PICALM: variants seen among roughly 807,000 people sequenced by gnomAD.
The protein encoded by PICALM is phosphatidylinositol binding clathrin assembly protein, also known as phosphatidylinositol-binding clathrin assembly protein.
A neutral mutation model predicts 80.5 loss-of-function variants in PICALM; 40 were observed. The observed-to-expected ratio is 0.50, with a 90% CI of 0.39 to 0.65. PICALM has a LOEUF of 0.65. Ranked by LOEUF, PICALM falls within the 30% of genes least tolerant of loss-of-function variation. The pLI is 0.00. For missense variants in PICALM, 676 were observed against 778.9 expected, an observed-to-expected ratio of 0.87 and a Z score of 1.57; for synonymous variants, 288 against 260.3, an observed-to-expected ratio of 1.11 and a Z score of -1.02.
intron 11 of PICALM, among the ~76,000 whole-genome samples, chr11:85,998,501 G>T (rs2095047326): frequency 6.6e-6 from 1 of 151,900 alleles, no homozygotes; most frequent in Non-Finnish European, 1.5e-5. Context: ...TTTAAGAGAA[G>T]GGGTCTGGAG....
At chr11:86,028,774 T>G (rs1185061652) in intron 2 of PICALM, among the ~76,000 whole-genome samples, 1 of 152,176 alleles carries the variant, frequency 6.6e-6, no homozygotes, top group Non-Finnish European at 1.5e-5. Context: ...CTGAGTACTC[T>G]GACACTGAAT....
At chr11:85,966,641 T>C (rs2093909993) in intron 19 of PICALM, among the ~76,000 whole-genome samples, 1 of 152,180 alleles carries the variant, frequency 6.6e-6, no homozygotes, top group African/African-American at 2.4e-5. Context: ...TGTGTTGAAG[T>C]CCTAACCCCT....
intron 8 of PICALM, among the ~76,000 whole-genome samples, chr11:86,003,984 C>T (rs951465149): frequency 1.3e-5 from 2 of 152,188 alleles, no homozygotes; most frequent in Admixed American, 6.5e-5. Flanking sequence ...AACTGGAACT[C>T]TCATATATCA....
chr11:85,992,977 T>G (rs1284758478), intron 12 of PICALM, among the ~76,000 whole-genome samples: 1 of 152,206 alleles, frequency 6.6e-6, no homozygotes, highest in Non-Finnish European at 1.5e-5. Flanking sequence ...TGTTAATCTA[T>G]TAATGGACAT....
chr11:86,056,603 A>C (rs1410473493), intron 1 of PICALM, among the ~76,000 whole-genome samples: 1 of 152,168 alleles, frequency 6.6e-6, no homozygotes, highest in Non-Finnish European at 1.5e-5. Flanking sequence ...ACTGATGTGG[A>C]AAACAGTTTG....
chr11:86,058,248 C>G (rs1350911836), intron 1 of PICALM, among the ~76,000 whole-genome samples: 1 of 152,006 alleles, frequency 6.6e-6, no homozygotes, highest in Non-Finnish European at 1.5e-5. Context: ...ACACACACAC[C>G]CCCACAAAGA....
chr11:85,976,594 C>T, intron 18 of PICALM, 29 bp downstream of exon 18: 2 of 1,397,080 alleles, frequency 1.4e-6, no homozygotes, highest in Non-Finnish European at 1.0e-6. Context: ...AATATTTTTT[C>T]CAAAAGCTGT....
At chr11:85,963,550 G>A (rs1177224913) in intron 19 of PICALM, among the ~76,000 whole-genome samples, 1 of 152,172 alleles carries the variant, frequency 6.6e-6, no homozygotes, top group Non-Finnish European at 1.5e-5. Flanking sequence ...TACAGACATA[G>A]TCTTTTCTCA....
Position 86,068,941 on chromosome 11 carries a change from T to C in PICALM, c.-161A>G. 1 of 908,656 alleles carries C rather than the reference T, an allele frequency of 1.1e-6. No individual in the cohort carries two copies. The highest frequency in any genetic ancestry group is 1.8e-5 in the South Asian group (1 of 55,746). 56.3% of individuals were successfully genotyped at this position (908,656 alleles called of 1,614,324 possible). A position where few individuals can be genotyped will look rare whatever the true frequency, so the allele number is the denominator to read the frequency against. On this transcript the variant is annotated 5_prime_UTR_variant, in exon 1 of 20. Transcript: ENST00000393346. ...GTTCGGGGCCGCGCGCTGCCACCAGTCCAGAGAGAACCGGCTCGTGTCACC... is the reference window on the plus strand; with the variant it reads ...GTTCGGGGCCGCGCGCTGCCACCAGCCCAGAGAGAACCGGCTCGTGTCACC...
intron 7 of PICALM, among the ~76,000 whole-genome samples, chr11:86,009,973 C>A (rs1565397149): frequency 2.0e-5 from 3 of 152,284 alleles, no homozygotes; most frequent in South Asian, 4.1e-4. Context: ...CCTGTTCTGT[C>A]CTATTGCATC....
intron 1 of PICALM, among the ~76,000 whole-genome samples, chr11:86,040,035 A>T (rs1416406175): frequency 1.3e-5 from 2 of 151,578 alleles, no homozygotes; most frequent in Non-Finnish European, 2.9e-5. Flanking sequence ...AAAGGCAACA[A>T]AATAAAGTTA....
chr11:86,047,004 G>C (rs1312146691), intron 1 of PICALM, among the ~76,000 whole-genome samples: 1 of 152,182 alleles, frequency 6.6e-6, no homozygotes. Flanking sequence ...ACAGCCTTGT[G>C]CCAAGGCAAG....
At chr11:86,065,502 G>A (rs867611) in intron 1 of PICALM, among the ~76,000 whole-genome samples, 110,355 of 152,020 alleles carry the variant, frequency 0.73, 40,763 homozygotes, top group African/African-American at 0.88. Flanking sequence ...TAAGCATTCT[G>A]TACTGCTAAA....
intron 1 of PICALM, among the ~76,000 whole-genome samples, chr11:86,040,395 T>TCC (rs761482916): frequency 7.9e-5 from 12 of 152,092 alleles, no homozygotes; most frequent in Non-Finnish European, 1.5e-4. Context: ...AGACGAGGTC[T>TCC]CCCCCTCTGT....
At chr11:86,039,348 G>A (rs1565512332) in intron 1 of PICALM, among the ~76,000 whole-genome samples, 1 of 152,020 alleles carries the variant, frequency 6.6e-6, no homozygotes, top group Non-Finnish European at 1.5e-5. Flanking sequence ...CTATAATCAT[G>A]CCTGTGAACA....
chr11:86,050,323 T>A (rs1215585850), intron 1 of PICALM, among the ~76,000 whole-genome samples: 1 of 150,446 alleles, frequency 6.6e-6, no homozygotes, highest in African/African-American at 2.5e-5. Context: ...AACTCAAAAC[T>A]AGATGTACAT....
At chr11:85,960,919 G>C (rs2093666988) in intron 19 of PICALM, 1 of 306,970 alleles carries the variant, frequency 3.3e-6, no homozygotes, top group Non-Finnish European at 6.3e-6. Context: ...GTAGAAAATG[G>C]ATTGTTAAGA....
At chr11:85,988,706 C>G (rs994524687) in intron 13 of PICALM, among the ~76,000 whole-genome samples, 2 of 151,976 alleles carry the variant, frequency 1.3e-5, no homozygotes, top group African/African-American at 4.8e-5. Context: ...AGAGGAGGAA[C>G]AGTTATGAGT....
upstream of PICALM, chr11:86,069,210 C>T (rs970623056): frequency 5.4e-6 from 1 of 186,008 alleles, no homozygotes; most frequent in Non-Finnish European, 1.1e-5. Flanking sequence ...CTCCCTCGCT[C>T]AGCGAGGGAA....
Sources: gnomAD v4.1 joint callset for allele counts (sites outside exome capture counted in the v4.1 genomes callset) on GRCh38, gnomAD v4.1.1 for gene constraint, MANE v1.5 for transcripts, NCBI Gene and HGNC (gene_info 2026-07-23, HGNC 2026-07-21) for gene names.